L3MBTL1: variants seen among roughly 807,000 people sequenced by gnomAD.
The protein encoded by L3MBTL1 is L3MBTL histone methyl-lysine binding protein 1.
A neutral mutation model predicts 105.3 loss-of-function variants in L3MBTL1; 75 were observed. The ratio of observed to expected loss-of-function variants is 0.71; its 90% CI spans 0.59 to 0.86. L3MBTL1 has a LOEUF of 0.86. L3MBTL1 is among the 40% of genes least tolerant of loss of function. The probability of loss-of-function intolerance (pLI) is 0.00; values close to 1 mark genes in which losing one functional copy is unlikely to be tolerated. For missense variants in L3MBTL1, 1,069 were observed against 1,126.4 expected, an observed-to-expected ratio of 0.95 and a Z score of 0.73; for synonymous variants, 452 against 436.2, an observed-to-expected ratio of 1.04 and a Z score of -0.45.
intron 19 of L3MBTL1, among the ~76,000 whole-genome samples, chr20:43,537,339 C>A (rs543014194): frequency 6.6e-6 from 1 of 152,342 alleles, no homozygotes; most frequent in Admixed American, 6.5e-5. Flanking sequence ...AAGCTTCCCT[C>A]CTTGGCTTGC....
At chr20:43,535,552 C>T (rs1365495540) in intron 16 of L3MBTL1, among the ~76,000 whole-genome samples, 1 of 152,182 alleles carries the variant, frequency 6.6e-6, no homozygotes, top group East Asian at 1.9e-4. Flanking sequence ...GGTATGGCTA[C>T]ACCCAACCAG....
chr20:43,532,051 A>G (rs1337638611), intron 11 of L3MBTL1: 4 of 152,166 alleles, frequency 2.6e-5, no homozygotes, highest in African/African-American at 4.8e-5. Flanking sequence ...AAAAAAAACC[A>G]TATTGAATGT....
chr20:43,527,689 G>T (rs1020306469), intron 7 of L3MBTL1, among the ~76,000 whole-genome samples: 1 of 151,734 alleles, frequency 6.6e-6, no homozygotes, highest in African/African-American at 2.4e-5. Flanking sequence ...GTCTCTGTAA[G>T]TGTTCAGGGG....
At chr20:43,514,858 G>A in intron 4 of L3MBTL1, 82 bp downstream of exon 4, 1 of 1,458,092 alleles carries the variant, frequency 6.9e-7, no homozygotes, top group Non-Finnish European at 9.2e-7. Flanking sequence ...TCGGGGGCGG[G>A]GCCCGGGGTG....
chr20:43,540,901 T>A, intron 21 of L3MBTL1, 33 bp from the exon 22 acceptor site: 1 of 1,613,080 alleles, frequency 6.2e-7, no homozygotes, highest in Non-Finnish European at 8.5e-7. Context: ...CAGCGTCACT[T>A]CTGCTAAGGA....
chr20:43,532,108 G>A (rs564970959), intron 11 of L3MBTL1: 1 of 152,332 alleles, frequency 6.6e-6, no homozygotes, highest in Non-Finnish European at 1.5e-5. Context: ...TTCAGGCAGA[G>A]ACAGTTACTC....
rs572813181 is a variant in L3MBTL1, at chr20:43,548,225, G to A, written c.2239G>A (p.Ala747Thr). Residue 747 changes from alanine to threonine, a missense_variant, in exon 19 of 19, where the codon GCT (alanine) becomes ACT (threonine). Coordinates refer to the L3MBTL1 transcript ENST00000422861. ...TAACGCCATTCTCATGTTCAAAAACGCTGATGACACCTTAAAGTGACTGGC... is the reference window on the plus strand; with the variant it reads ...TAACGCCATTCTCATGTTCAAAAACACTGATGACACCTTAAAGTGACTGGC... 36 of 1,304,172 alleles carry A rather than the reference G, an allele frequency of 2.8e-5. No individual in the cohort carries two copies. The East Asian group carries it at 1.3e-3, about 46-fold the overall frequency. 80.8% of individuals were successfully genotyped at this position (1,304,172 alleles called of 1,614,324 possible). A position where few individuals can be genotyped will look rare whatever the true frequency, so the allele number is the denominator to read the frequency against.
At chr20:43,537,834 T>C (rs2019708969) in intron 19 of L3MBTL1, among the ~76,000 whole-genome samples, 2 of 152,306 alleles carry the variant, frequency 1.3e-5, no homozygotes, top group Non-Finnish European at 1.5e-5. Flanking sequence ...ACCTGGGCAG[T>C]AAGTAACATA....
chr20:43,509,195 TTCTC>T (rs1047344083), intron 1 of L3MBTL1, among the ~76,000 whole-genome samples: 3 of 151,920 alleles, frequency 2.0e-5, no homozygotes, highest in Non-Finnish European at 2.9e-5. Flanking sequence ...TTTTCTTTCT[TTCTC>T]TCTCTCTCCT....
At chr20:43,528,566 G>A in intron 7 of L3MBTL1, 91 bp from the exon 8 acceptor site, 2 of 890,458 alleles carry the variant, frequency 2.2e-6, no homozygotes, top group South Asian at 2.8e-5. Context: ...ATTTGTTTTG[G>A]GGGTGAAGGT....
At chr20:43,530,019 A>C (rs1309347783) in intron 9 of L3MBTL1, among the ~76,000 whole-genome samples, 2 of 152,178 alleles carry the variant, frequency 1.3e-5, no homozygotes, top group African/African-American at 4.8e-5. Context: ...TGCCCTCAGA[A>C]TTCTGTCCAG....
chr20:43,532,983 T>C, intron 12 of L3MBTL1, 59 bp downstream of exon 12: 2 of 1,566,572 alleles, frequency 1.3e-6, no homozygotes, highest in Non-Finnish European at 1.8e-6. Flanking sequence ...GGGCAACTGC[T>C]TTCATATCTC....
intron 11 of L3MBTL1, 131 bp from the exon 12 acceptor site, chr20:43,532,642 A>C: frequency 1.0e-6 from 1 of 989,656 alleles, no homozygotes; most frequent in African/African-American, 1.6e-5. Flanking sequence ...TTCCCAGCTT[A>C]TTTCTCCTTC....
Position 43,514,664 on chromosome 20 carries a change from C to T in L3MBTL1, c.390C>T (p.Asn130=), listed in dbSNP as rs1165808336. 3.1e-6 allele frequency: 5 copies of T among 1,593,090 alleles called. No homozygotes were observed. Among genetic ancestry groups the T allele is most frequent in the South Asian group, 1.1e-5 (1 of 88,132 alleles). The change falls in exon 4 of 22, where the codon AAC becomes AAT. Residue 130 remains asparagine, a synonymous_variant. Coordinates refer to ENST00000418998, the MANE Select transcript of L3MBTL1 (RefSeq NM_001377303.1). ...GGATAAGCGAGTATAAGCCGCTGAA[C>T]ATGGCGGGAGTGGAGCAGCCCCCGA... The part of the protein sequence containing the change: ...RFRISEYKPL[N]MAGVEQPPSP...
intron 1 of L3MBTL1, among the ~76,000 whole-genome samples, chr20:43,510,386 TTTTCTTTC>T (rs1397282415): frequency 7.0e-6 from 1 of 143,176 alleles, no homozygotes; most frequent in African/African-American, 2.6e-5. Context: ...TGTTTTATAA[TTTTCTTTC>T]TTTCTTTCTT....
chr20:43,537,400 A>G (rs993289764), intron 19 of L3MBTL1, among the ~76,000 whole-genome samples: 5 of 152,198 alleles, frequency 3.3e-5, no homozygotes, highest in Non-Finnish European at 4.4e-5. Flanking sequence ...TCTGTGCACA[A>G]GCATTCCTGG....
chr20:43,513,865 G>A lies in L3MBTL1; in HGVS notation c.164G>A (p.Ser55Asn), dbSNP rs1328595104. The A allele has an allele frequency of 5.2e-6, 8 of 1,550,562 alleles. No homozygotes were observed. In the East Asian group the frequency reaches 2.0e-4, roughly 38 times the overall value. Residue 55 changes from serine to asparagine, a missense_variant, in exon 3 of 22, where the codon AGC becomes AAC. Physicochemically the swap from Ser to Asn is conservative, Grantham distance 46. Coordinates refer to ENST00000418998, the MANE Select transcript of L3MBTL1 (RefSeq NM_001377303.1). ...PASSATLGLP[S>N]SALDVSCFPR... is the part of the protein sequence containing the mutation. Reference sequence around the variant, plus strand: ...AGTTCGGCCACCCTCGGCCTGCCCAGCAGTGCCCTGGATGTGTCTTGCTTT... The same window carrying A: ...AGTTCGGCCACCCTCGGCCTGCCCAACAGTGCCCTGGATGTGTCTTGCTTT...
rs117295552 is a variant in L3MBTL1, at chr20:43,522,535, G to A, written c.863-6122G>A. 2.4e-3 allele frequency among the ~76,000 whole-genome samples: 308 copies of A among 128,536 alleles called. 8 individuals are homozygous for A. The East Asian group carries it at 0.054, about 23-fold the overall frequency. The allele number at this position is 128,536 out of a possible 152,430, so 84.3% of individuals were successfully genotyped here. ...CACCCAGGCTGGAGTGCAGTGGTGC[G>A]ATGTCCGCTCACTGTGACCCCCGCC... On this transcript the variant is annotated intron_variant, in intron 7 of 21. Transcript: ENST00000418998.
intron 7 of L3MBTL1, among the ~76,000 whole-genome samples, chr20:43,518,531 G>A (rs1334179879): frequency 6.6e-6 from 1 of 152,074 alleles, no homozygotes; most frequent in Non-Finnish European, 1.5e-5. Flanking sequence ...ACCATTGCAA[G>A]TTTCTACAAC....
Sources: allele counts gnomAD v4.1 joint callset (sites outside exome capture counted in the v4.1 genomes callset), GRCh38; gene constraint gnomAD v4.1.1; transcripts MANE v1.5; gene names NCBI Gene and HGNC (gene_info 2026-07-23, HGNC 2026-07-21).